DACH2: variants seen among roughly 807,000 people sequenced by gnomAD.
DACH2 encodes dachshund family transcription factor 2.
Under a neutral mutation model 35.8 loss-of-function variants are expected in DACH2, and 17 were observed. The ratio of observed to expected loss-of-function variants is 0.48; its 90% CI spans 0.33 to 0.71. The LOEUF is 0.71. DACH2 is among the 30% of genes least tolerant of loss of function. The pLI, the probability that DACH2 is intolerant of heterozygous loss-of-function variation, is 0.02. For synonymous variants in DACH2, 195 were observed against 177.3 expected, an observed-to-expected ratio of 1.10 and a Z score of -0.79; for missense variants, 469 against 472.7, an observed-to-expected ratio of 0.99 and a Z score of 0.07.
intron 1 of DACH2, among the ~76,000 whole-genome samples, chrX:86,312,753 A>G (rs1183216337): frequency 9.0e-6 from 1 of 111,679 alleles, no homozygotes; most frequent in Non-Finnish European, 1.9e-5. Flanking sequence ...TGGGACTTGG[A>G]CTGGCTCTCC....
intron 2 of DACH2, among the ~76,000 whole-genome samples, chrX:86,426,695 A>G (rs917490015): frequency 4.5e-5 from 5 of 111,318 alleles, no homozygotes; most frequent in African/African-American, 1.6e-4. Flanking sequence ...TCAATTTATC[A>G]TGCTTACTAG....
intron 3 of DACH2, among the ~76,000 whole-genome samples, chrX:86,546,404 C>CTTCTTCCTTCTTCTTCCTTCTT (rs774988785): frequency 0.016 from 333 of 21,213 alleles, no homozygotes; most frequent in Non-Finnish European, 0.026. Flanking sequence ...TCTTCTTCTT[C>CTTCTTCCTTCTTCTTCCTTCTT]CTTCTTCTTC....
chrX:86,278,267 G>A (rs753674753), intron 1 of DACH2, among the ~76,000 whole-genome samples: 1 of 111,915 alleles, frequency 8.9e-6, no homozygotes, highest in Non-Finnish European at 1.9e-5. Context: ...GACAACTCCC[G>A]AGTACACATC....
intron 1 of DACH2, among the ~76,000 whole-genome samples, chrX:86,266,898 G>C (rs1047948790): frequency 8.9e-6 from 1 of 111,739 alleles, no homozygotes; most frequent in Non-Finnish European, 1.9e-5. Flanking sequence ...TTGAACTGTT[G>C]TCTTTGATAG....
intron 2 of DACH2, among the ~76,000 whole-genome samples, chrX:86,417,016 C>T (rs1277715394): frequency 1.0e-5 from 1 of 97,672 alleles, no homozygotes; most frequent in East Asian, 3.4e-4. Flanking sequence ...ATCCCTTGAA[C>T]CTGGGAGGTG....
chrX:86,815,460 A>G (rs893737937), intron 10 of DACH2, among the ~76,000 whole-genome samples: 9 of 109,849 alleles, frequency 8.2e-5, no homozygotes, highest in Non-Finnish European at 1.3e-4. Flanking sequence ...ACCTTTTTAC[A>G]TCAAAATTAC....
chrX:86,699,596 TG>T (rs1255649033), intron 5 of DACH2, among the ~76,000 whole-genome samples: 2 of 111,316 alleles, frequency 1.8e-5, no homozygotes, highest in Non-Finnish European at 3.8e-5. Flanking sequence ...CCAAAACATA[TG>T]GGAATTATGG....
intron 2 of DACH2, among the ~76,000 whole-genome samples, chrX:86,430,685 T>A (rs2036971960): frequency 8.9e-6 from 1 of 112,004 alleles, no homozygotes; most frequent in African/African-American, 3.2e-5. Flanking sequence ...ACTGGTCATT[T>A]TTGGTTGAGT....
intron 3 of DACH2, among the ~76,000 whole-genome samples, chrX:86,650,505 G>A (rs767496): frequency 9.1e-6 from 1 of 110,284 alleles, no homozygotes; most frequent in African/African-American, 3.3e-5. Context: ...ACACTCAAAG[G>A]GGTTTCATTT....
chrX:86,248,589 G>T (rs955438044), intron 1 of DACH2, among the ~76,000 whole-genome samples: 1 of 111,248 alleles, frequency 9.0e-6, no homozygotes, highest in Non-Finnish European at 1.9e-5. Context: ...TGGATAGGTA[G>T]AATCAATATT....
intron 1 of DACH2, among the ~76,000 whole-genome samples, chrX:86,241,403 T>C (rs904677233): frequency 1.8e-5 from 2 of 111,715 alleles, no homozygotes; most frequent in African/African-American, 3.3e-5. Flanking sequence ...TCAGGGTATA[T>C]GGAGGAAGAA....
chrX:86,791,134 CTTG>C (rs1426054372), intron 7 of DACH2, among the ~76,000 whole-genome samples: 1 of 110,940 alleles, frequency 9.0e-6, no homozygotes, highest in Non-Finnish European at 1.9e-5. Context: ...ACTGGTTAGT[CTTG>C]TTGTCTCAGG....
At chrX:86,531,204 G>A (rs1235186528) in intron 3 of DACH2, among the ~76,000 whole-genome samples, 1 of 111,997 alleles carries the variant, frequency 8.9e-6, no homozygotes, top group Non-Finnish European at 1.9e-5. Flanking sequence ...CTGACCATGA[G>A]GTAGAAAAGA....
intron 1 of DACH2, among the ~76,000 whole-genome samples, chrX:86,295,379 C>T (rs1235953533): frequency 8.9e-6 from 1 of 112,155 alleles, no homozygotes; most frequent in Non-Finnish European, 1.9e-5. Flanking sequence ...CACCCGTCTT[C>T]TGCGTCGCTC....
At chrX:86,379,805 A>G (rs1361532286) in intron 2 of DACH2, among the ~76,000 whole-genome samples, 1 of 111,226 alleles carries the variant, frequency 9.0e-6, no homozygotes, top group Non-Finnish European at 1.9e-5. Context: ...CACATATGAC[A>G]ATGTGCAAAA....
intron 2 of DACH2, among the ~76,000 whole-genome samples, chrX:86,389,156 C>G (rs1184986258): frequency 8.9e-6 from 1 of 111,869 alleles, no homozygotes; most frequent in Non-Finnish European, 1.9e-5. Flanking sequence ...TTATTCACTA[C>G]AGTTTTCCAC....
chrX:86,392,214 A>G (rs989300947), intron 2 of DACH2, among the ~76,000 whole-genome samples: 2 of 111,528 alleles, frequency 1.8e-5, no homozygotes, highest in African/African-American at 6.5e-5. Context: ...TTTGATACAT[A>G]ATGCTTGATT....
At chrX:86,783,669 C>CA (rs1318802843) in intron 7 of DACH2, among the ~76,000 whole-genome samples, 1 of 111,712 alleles carries the variant, frequency 9.0e-6, no homozygotes, top group African/African-American at 3.2e-5. Context: ...AGACACAGAA[C>CA]AAAAAACTTT....
At chrX:86,771,402 TAA>T (rs2041986830) in intron 7 of DACH2, among the ~76,000 whole-genome samples, 1 of 112,729 alleles carries the variant, frequency 8.9e-6, no homozygotes, top group African/African-American at 3.2e-5. Flanking sequence ...GATATTTGAA[TAA>T]GAGTTAGCAA....
Sources: allele counts gnomAD v4.1 joint callset (sites outside exome capture counted in the v4.1 genomes callset), GRCh38; gene constraint gnomAD v4.1.1; transcripts MANE v1.5; gene names NCBI Gene and HGNC (gene_info 2026-07-23, HGNC 2026-07-21).